Variants in PDE4D observed in about 807,000 individuals in gnomAD.
PDE4D encodes the protein 3',5'-cyclic-AMP phosphodiesterase 4D.
In PDE4D, 24 loss-of-function variants were observed where a neutral mutation model predicts 87.4. That is an observed-to-expected ratio of 0.27 (90% CI 0.20 to 0.39). PDE4D has a LOEUF of 0.39. Among genes scored for constraint, PDE4D ranks in the 10% least tolerant of loss-of-function variants. PDE4D has a pLI of 1.00. For synonymous variants in PDE4D, 384 were observed against 383.2 expected, an observed-to-expected ratio of 1.00 and a Z score of -0.02; for missense variants, 714 against 1,041.0, an observed-to-expected ratio of 0.69 and a Z score of 4.32.
In PDE4D at chr5:59,979,787, G is replaced by A. The variant is rs1345631931; in HGVS notation, c.272+8701C>T. ...AGAGAAATGGGATGAAAAATAATATGGAAATTCTAAGTTCTAGAAAGAATT... is the reference window on the plus strand; with the variant it reads ...AGAGAAATGGGATGAAAAATAATATAGAAATTCTAAGTTCTAGAAAGAATT... On this transcript the variant is annotated intron_variant, in intron 3 of 16. Transcript: ENST00000502484. Among the ~76,000 whole-genome samples, 5 of 152,136 alleles carry A rather than the reference G, an allele frequency of 3.3e-5. No homozygotes were observed. The East Asian group carries it at 9.6e-4, about 29-fold the overall frequency.
intron 2 of PDE4D, among the ~76,000 whole-genome samples, chr5:60,134,223 G>T (rs1007184671): frequency 3.9e-5 from 6 of 152,124 alleles, no homozygotes; most frequent in African/African-American, 1.4e-4. Context: ...CAGGCTGAGT[G>T]TGGTACCTCC....
At chr5:59,880,810 A>C (rs1397534011) in intron 1 of PDE4D, among the ~76,000 whole-genome samples, 1 of 152,160 alleles carries the variant, frequency 6.6e-6, no homozygotes, top group Non-Finnish European at 1.5e-5. Context: ...ACAGACATAA[A>C]TTGTTTTCCC....
intron 1 of PDE4D, among the ~76,000 whole-genome samples, chr5:60,415,672 G>A (rs997725036): frequency 6.6e-6 from 1 of 152,232 alleles, no homozygotes; most frequent in African/African-American, 2.4e-5. Flanking sequence ...GGGACCTGCA[G>A]TGCGGCCACG....
chr5:60,081,603 T>C (rs1247313903), intron 2 of PDE4D, among the ~76,000 whole-genome samples: 2 of 152,182 alleles, frequency 1.3e-5, no homozygotes, highest in Non-Finnish European at 2.9e-5. Flanking sequence ...TTTGTTCTCA[T>C]TGGTTTCAAA....
At chr5:59,999,526 T>TAAAAAAAAAAAAAAAAAAAAAAAAAA in intron 2 of PDE4D, among the ~76,000 whole-genome samples, 1 of 57,186 alleles carries the variant, frequency 1.7e-5, no homozygotes, top group Non-Finnish European at 3.5e-5. Flanking sequence ...TATCCCGTGG[T>TAAAAAAAAAAAAAAAAAAAAAAAAAA]AAAAAAAAAA....
chr5:59,405,958 A>G (rs998241175), intron 1 of PDE4D, among the ~76,000 whole-genome samples: 5 of 152,136 alleles, frequency 3.3e-5, no homozygotes, highest in African/African-American at 1.2e-4. Flanking sequence ...ATTTCTGCAT[A>G]AATGTTCATT....
intron 1 of PDE4D, among the ~76,000 whole-genome samples, chr5:59,326,763 G>A (rs1451496511): frequency 1.3e-5 from 2 of 152,054 alleles, no homozygotes; most frequent in East Asian, 3.9e-4. Context: ...AAATAGATGT[G>A]TGATCTTGCT....
At chr5:59,974,159 T>C (rs2152819967) in intron 3 of PDE4D, among the ~76,000 whole-genome samples, 1 of 152,346 alleles carries the variant, frequency 6.6e-6, no homozygotes, top group East Asian at 1.9e-4. Flanking sequence ...ATTTTATTCT[T>C]TATTTTATTG....
chr5:59,439,538 C>T (rs1186251994), intron 1 of PDE4D, among the ~76,000 whole-genome samples: 1 of 152,026 alleles, frequency 6.6e-6, no homozygotes, highest in Non-Finnish European at 1.5e-5. Context: ...TATCAAGTTA[C>T]TATTCTAGGC....
At chr5:59,723,505 C>G (rs1344011898) in intron 1 of PDE4D, among the ~76,000 whole-genome samples, 1 of 152,048 alleles carries the variant, frequency 6.6e-6, no homozygotes, top group Non-Finnish European at 1.5e-5. Context: ...TGGATAAATA[C>G]AGATGAGGCG....
intron 2 of PDE4D, among the ~76,000 whole-genome samples, chr5:60,143,687 G>A (rs878981308): frequency 6.8e-6 from 1 of 147,148 alleles, no homozygotes; most frequent in African/African-American, 2.5e-5. Flanking sequence ...GGTTAAGCTC[G>A]CTAGATGATT....
At chr5:60,080,446 C>T (rs1165388741) in intron 2 of PDE4D, among the ~76,000 whole-genome samples, 3 of 152,132 alleles carry the variant, frequency 2.0e-5, no homozygotes, top group African/African-American at 2.4e-5. Flanking sequence ...AGAGGGCATC[C>T]TTGTCTTGTA....
At chr5:60,277,032 C>A (rs6449462) in intron 1 of PDE4D, among the ~76,000 whole-genome samples, 31,609 of 151,514 alleles carry the variant, frequency 0.21, 5,299 homozygotes, top group African/African-American at 0.47. Flanking sequence ...CTTTAAGTTT[C>A]TTCTGTTTGT....
intron 1 of PDE4D, among the ~76,000 whole-genome samples, chr5:59,469,998 C>G (rs1220274860): frequency 6.6e-6 from 1 of 152,030 alleles, no homozygotes; most frequent in African/African-American, 2.4e-5. Flanking sequence ...ACATGATGTT[C>G]TCAGGGCCCA....
rs143156810 is a variant in PDE4D at position 59,528,522 on chromosome 5, C to T, written c.456-312554G>A. Among the ~76,000 whole-genome samples the T allele has an allele frequency of 5.9e-3, 891 of 152,038 alleles. 4 individuals are homozygous for T. Among genetic ancestry groups the T allele is most frequent in the African/African-American group, 0.012 (514 of 41,476 alleles). On this transcript the variant is annotated intron_variant, in intron 1 of 14. Coordinates refer to ENST00000340635, the MANE Select transcript of PDE4D (RefSeq NM_001104631.2). ...TTAAGTGCAGGATGTCACAACGATA[C>T]GATGTGGCAGCCAGTGTCTATCTAA...
At chr5:59,198,749 T>C (rs1292842413) in intron 2 of PDE4D, among the ~76,000 whole-genome samples, 1 of 152,214 alleles carries the variant, frequency 6.6e-6, no homozygotes, top group East Asian at 1.9e-4. Flanking sequence ...ATCCTTCTTC[T>C]ACTTCTGTAT....
chr5:59,264,928 A>G (rs1360781675), intron 1 of PDE4D, among the ~76,000 whole-genome samples: 1 of 151,982 alleles, frequency 6.6e-6, no homozygotes. Flanking sequence ...AAGCATCTTA[A>G]GCCTTCTGCA....
chr5:60,319,926 G>T (rs1250811340), intron 1 of PDE4D, among the ~76,000 whole-genome samples: 1 of 152,236 alleles, frequency 6.6e-6, no homozygotes, highest in Non-Finnish European at 1.5e-5. Flanking sequence ...GCTACTGGGG[G>T]TCAGGGACCC....
chr5:59,754,271 A>G (rs1262385942), intron 1 of PDE4D, among the ~76,000 whole-genome samples: 1 of 152,214 alleles, frequency 6.6e-6, no homozygotes, highest in East Asian at 1.9e-4. Context: ...CAGAGGTTGC[A>G]GTGAGCTGAG....
Sources: gnomAD v4.1 joint callset for allele counts (sites outside exome capture counted in the v4.1 genomes callset) on GRCh38, gnomAD v4.1.1 for gene constraint, MANE v1.5 for transcripts, NCBI Gene and HGNC (gene_info 2026-07-23, HGNC 2026-07-21) for gene names.